RAI14: variants seen among roughly 807,000 people sequenced by gnomAD.
The protein encoded by RAI14 is ankycorbin.
A neutral mutation model predicts 115.4 loss-of-function variants in RAI14; 45 were observed. The ratio of observed to expected loss-of-function variants is 0.39; its 90% confidence interval spans 0.31 to 0.50. The LOEUF (loss-of-function observed/expected upper bound fraction) is 0.50. Among genes scored for constraint, RAI14 ranks in the 20% least tolerant of loss-of-function variants. RAI14 has a pLI of 0.85. For synonymous variants in RAI14, 371 were observed against 415.4 expected (o/e 0.89, Z 1.30); for missense variants, 939 against 1,131.2 (o/e 0.83, Z 2.44).
intron 3 of RAI14, among the ~76,000 whole-genome samples, chr5:34,795,090 C>T (rs1404769651): frequency 2.0e-5 from 3 of 152,160 alleles, no homozygotes; most frequent in Non-Finnish European, 4.4e-5. Context: ...GCCTGACCAC[C>T]CAGTGGAATT....
At chr5:34,798,026 G>T (rs1226784235) in intron 4 of RAI14, among the ~76,000 whole-genome samples, 4 of 152,074 alleles carry the variant, frequency 2.6e-5, no homozygotes, top group Non-Finnish European at 2.9e-5. Context: ...TTGGTTTTTT[G>T]TGTGTGTTTT....
chr5:34,726,316 A>C (rs1270349265), intron 2 of RAI14, among the ~76,000 whole-genome samples: 1 of 152,210 alleles, frequency 6.6e-6, no homozygotes, highest in Non-Finnish European at 1.5e-5. Context: ...TACTGGAGGC[A>C]TGCCTGGGGA....
chr5:34,710,776 A>G (rs977924912), intron 2 of RAI14, among the ~76,000 whole-genome samples: 1 of 151,156 alleles, frequency 6.6e-6, no homozygotes, highest in African/African-American at 2.4e-5. Context: ...AGTGAGCTTC[A>G]GAAACATTGG....
At chr5:34,692,178 G>C (rs146779297) in intron 2 of RAI14, among the ~76,000 whole-genome samples, 263 of 152,208 alleles carry the variant, frequency 1.7e-3, no homozygotes, top group African/African-American at 6.2e-3. Context: ...CAGGAGAATC[G>C]CTTGAACCCA....
intron 2 of RAI14, among the ~76,000 whole-genome samples, chr5:34,700,921 T>G (rs1009395518): frequency 1.3e-5 from 2 of 152,208 alleles, no homozygotes; most frequent in African/African-American, 4.8e-5. Flanking sequence ...ATTACCTAAA[T>G]TTAGACCCAA....
At chr5:34,716,280 G>A (rs1741985727) in intron 2 of RAI14, 1 of 293,498 alleles carries the variant, frequency 3.4e-6, no homozygotes, top group South Asian at 2.9e-5. Context: ...GGCTGTGACA[G>A]TTCCCTTTGG....
chr5:34,803,235 A>G (rs535158759), intron 4 of RAI14, among the ~76,000 whole-genome samples: 1 of 152,156 alleles, frequency 6.6e-6, no homozygotes, highest in African/African-American at 2.4e-5. Context: ...GGGATGCTCG[A>G]TTCTTCCCAC....
chr5:34,672,748 A>T (rs1379194613), intron 1 of RAI14, among the ~76,000 whole-genome samples: 1 of 152,078 alleles, frequency 6.6e-6, no homozygotes, highest in Non-Finnish European at 1.5e-5. Context: ...TTTTCATATC[A>T]TACCTTCACC....
intron 2 of RAI14, among the ~76,000 whole-genome samples, chr5:34,752,986 T>G (rs1345322333): frequency 6.6e-6 from 1 of 152,002 alleles, no homozygotes; most frequent in Non-Finnish European, 1.5e-5. Context: ...AAATAAAAGC[T>G]TCATAAGACA....
At chr5:34,728,015 C>A (rs538069209) in intron 2 of RAI14, among the ~76,000 whole-genome samples, 1 of 152,292 alleles carries the variant, frequency 6.6e-6, no homozygotes, top group East Asian at 1.9e-4. Context: ...ACACTCAATG[C>A]CAGCCTGTGA....
intron 3 of RAI14, among the ~76,000 whole-genome samples, chr5:34,764,146 C>T (rs950062335): frequency 1.2e-4 from 18 of 152,172 alleles, no homozygotes; most frequent in South Asian, 2.1e-4. Flanking sequence ...CCACTGCACC[C>T]GGCAATCACC....
chr5:34,769,017 C>G (rs114927146), intron 3 of RAI14, among the ~76,000 whole-genome samples: 2,126 of 151,628 alleles, frequency 0.014, 28 homozygotes, highest in Non-Finnish European at 0.021. Context: ...AGGGGTGGTT[C>G]CTCAGTCCTT....
At chr5:34,718,549 G>T (rs1038622302) in intron 2 of RAI14, among the ~76,000 whole-genome samples, 4 of 152,202 alleles carry the variant, frequency 2.6e-5, no homozygotes, top group Admixed American at 2.6e-4. Flanking sequence ...AGGGATTCAG[G>T]ATCTTTTCTC....
intron 2 of RAI14, among the ~76,000 whole-genome samples, chr5:34,726,664 A>G (rs1743508424): frequency 6.6e-6 from 1 of 152,298 alleles, no homozygotes; most frequent in African/African-American, 2.4e-5. Context: ...ATTGAATCAT[A>G]AGGGCAGATT....
In RAI14 at chr5:34,702,488, G is replaced by A. The variant is rs1380572915; in HGVS notation, c.36+15533G>A. Among the ~76,000 whole-genome samples the A allele has an allele frequency of 7.2e-5, 11 of 152,244 alleles. No homozygotes were observed. The East Asian group carries it at 1.9e-3, about 27-fold the overall frequency. Reference sequence around the variant, plus strand: ...AGCAAGACCCTGTCTCAGGCGGGGGGCAAGTGAGCGGGGGAAGAAACAGGT... The same window carrying A: ...AGCAAGACCCTGTCTCAGGCGGGGGACAAGTGAGCGGGGGAAGAAACAGGT... On this transcript the variant is annotated intron_variant, in intron 2 of 17. Transcript: ENST00000265109.
chr5:34,686,859 T>C lies in RAI14; in HGVS notation c.-48-13T>C. 1.3e-6 allele frequency: 2 copies of C among 1,549,308 alleles called. No individual in the cohort carries two copies. Among genetic ancestry groups the C allele is most frequent in the Admixed American group, 1.7e-5 (1 of 58,816 alleles). ...TTTGGAAACCTACATATGTCCTTTTTTTCTCTGCTTAGGTGTTGAAAAGTC... is the reference window on the plus strand; with the variant it reads ...TTTGGAAACCTACATATGTCCTTTTCTTCTCTGCTTAGGTGTTGAAAAGTC... On this transcript the variant is annotated splice_polypyrimidine_tract_variant and intron_variant, in intron 1 of 17. Coordinates refer to ENST00000265109, the MANE Select transcript of RAI14 (RefSeq NM_015577.3).
At chr5:34,811,735 A>G in intron 8 of RAI14, 32 bp from the exon 9 acceptor site, 1 of 1,561,078 alleles carries the variant, frequency 6.4e-7, no homozygotes, top group Non-Finnish European at 8.7e-7. Flanking sequence ...ACATTCTCTT[A>G]GTACTAATTT....
In RAI14 at chr5:34,807,784, T is replaced by C; in HGVS notation, c.322-16T>C. The C allele has an allele frequency of 1.9e-6, 3 of 1,591,392 alleles. No homozygotes were observed. The highest frequency in any genetic ancestry group is 2.6e-6 in the Non-Finnish European group (3 of 1,159,196). Reference sequence around the variant, plus strand: ...GGGTATTTTATTATATGGATGTATTTATTTTTGTCTTATAGTCTAAATGCC... The same window carrying C: ...GGGTATTTTATTATATGGATGTATTCATTTTTGTCTTATAGTCTAAATGCC... On this transcript the variant is annotated splice_polypyrimidine_tract_variant and intron_variant, in intron 5 of 17. Transcript: ENST00000265109.
At chr5:34,700,676 G>T (rs1739958304) in intron 2 of RAI14, among the ~76,000 whole-genome samples, 1 of 152,236 alleles carries the variant, frequency 6.6e-6, no homozygotes, top group Admixed American at 6.5e-5. Context: ...CCTTTAGGAT[G>T]CTCTGCATGC....
Sources: allele counts gnomAD v4.1 joint callset (sites outside exome capture counted in the v4.1 genomes callset), GRCh38; gene constraint gnomAD v4.1.1; transcripts MANE v1.5; gene names NCBI Gene and HGNC (gene_info 2026-07-23, HGNC 2026-07-21).